EPG5: variants seen among roughly 807,000 people sequenced by gnomAD.
EPG5 encodes the protein ectopic P-granules 5 autophagy tethering factor.
In EPG5, 159 loss-of-function variants were observed where a neutral mutation model predicts 302.7. The observed-to-expected ratio is 0.53, with a 90% CI of 0.46 to 0.60. The LOEUF (loss-of-function observed/expected upper bound fraction) is 0.60. Ranked by LOEUF, EPG5 falls within the 20% of genes least tolerant of loss-of-function variation. The probability of loss-of-function intolerance (pLI) is 0.00; values close to 1 mark genes in which losing one functional copy is unlikely to be tolerated. For synonymous variants in EPG5, 1,158 were observed against 1,136.8 expected (o/e 1.02, Z -0.37); for missense variants, 2,896 against 3,092.4 (o/e 0.94, Z 1.51).
At chr18:45,837,817 C>A in the EPG5 span, 61,230 of 1,533,180 alleles carry the variant, frequency 0.04, 1,453 homozygotes, top group Middle Eastern at 0.12. Flanking sequence ...ACGACCGCCG[C>A]TACTTCTGCC....
chr18:45,858,717 T>C lies in EPG5; in HGVS notation c.7075A>G (p.Met2359Val), dbSNP rs1224893556. 6.8e-6 allele frequency: 11 copies of C among 1,614,148 alleles called. No individual in the cohort carries two copies. Among genetic ancestry groups the C allele is most frequent in the Admixed American group, 3.3e-5 (2 of 60,022 alleles). Reference protein sequence around the residue: ...LVSLQVPELTMEEFLQECLTL... With the variant: ...LVSLQVPELTVEEFLQECLTL... ...AGGCACTCCTGCAGGAACTCTTCCA[T>C]GGTGAGCTCGGGAACCTGAAGGGAT... is the stretch of plus-strand genomic sequence containing the variant. The change falls in exon 41 of 44, where the codon ATG (methionine) becomes GTG (valine). Residue 2359 changes from methionine (M) to valine (V), a missense_variant. By Grantham distance (21) the Met-to-Val change is conservative (BLOSUM62 1). Transcript: ENST00000282041.
chr18:45,813,899 A>G, the EPG5 span, among the ~76,000 whole-genome samples: 3 of 152,170 alleles, frequency 2.0e-5, no homozygotes, highest in African/African-American at 7.2e-5. Context: ...TGTACCCTAG[A>G]ACTTAAAGTA....
At chr18:45,879,375 G>A (rs1340652735) in intron 32 of EPG5, among the ~76,000 whole-genome samples, 161 bp from the exon 33 acceptor site, 1 of 152,174 alleles carries the variant, frequency 6.6e-6, no homozygotes, top group East Asian at 1.9e-4. Context: ...TTTTGTTTTT[G>A]TTTTTGTTTT....
chr18:45,891,047 T>C lies in EPG5; in HGVS notation c.4810-1107A>G, dbSNP rs114914621. 5.2e-3 allele frequency among the ~76,000 whole-genome samples: 792 copies of C among 152,296 alleles called. 6 individuals carry two copies. The highest frequency in any genetic ancestry group is 0.018 in the African/African-American group (737 of 41,550). ...TGGGTGAGCAGTAAGGTCTACATTT[T>C]TTCCTTACATGCACCTGCCCAAACC... is the stretch of plus-strand genomic sequence containing the variant. On this transcript the variant is annotated intron_variant, in intron 27 of 43. Transcript: ENST00000282041.
At chr18:45,892,027 G>C (rs2145509879) in intron 27 of EPG5, among the ~76,000 whole-genome samples, 1 of 152,258 alleles carries the variant, frequency 6.6e-6, no homozygotes. Flanking sequence ...GAGAATCTGA[G>C]ATAAGGAAGG....
intron 13 of EPG5, among the ~76,000 whole-genome samples, chr18:45,927,151 G>C (rs1246442016): frequency 6.6e-6 from 1 of 151,276 alleles, no homozygotes; most frequent in Admixed American, 6.6e-5. Flanking sequence ...TCCTGCCTCA[G>C]CCTCCTGAGT....
the EPG5 span, among the ~76,000 whole-genome samples, chr18:45,818,902 T>G: frequency 6.6e-6 from 1 of 151,962 alleles, no homozygotes; most frequent in African/African-American, 2.4e-5. Flanking sequence ...CCCAGCTAAT[T>G]TTCATATTTT....
At position 45,916,497 on chromosome 18, in the gene EPG5, G is replaced by C. The variant is rs1279711396; in HGVS notation, c.3325C>G (p.Gln1109Glu). The C allele has an allele frequency of 1.9e-6, 3 of 1,613,672 alleles. No individual in the cohort carries two copies. The African/African-American group carries it at 4.0e-5, about 22-fold the overall frequency. The change falls in exon 18 of 44, where the codon CAG becomes GAG. Residue 1109 changes from glutamine to glutamate, a missense_variant. Transcript: ENST00000282041. ...CCATGGCTGGCTCCTGTCAGGTGCT[G>C]TGCCACCTTGTGGGTGACCTGTTGT... is the stretch of plus-strand genomic sequence containing the variant. ...VTQQVTHKVAQHLTGASHGDN... is the reference protein window; with the variant it reads ...VTQQVTHKVAEHLTGASHGDN...
chr18:45,910,487 A>C, intron 23 of EPG5, 34 bp downstream of exon 23: 1 of 1,513,176 alleles, frequency 6.6e-7, no homozygotes, highest in South Asian at 1.2e-5. Context: ...TGTGCTGCAA[A>C]CAACAATGTA....
chr18:45,868,923 T>C (rs1052527427), intron 36 of EPG5, among the ~76,000 whole-genome samples: 3 of 151,126 alleles, frequency 2.0e-5, no homozygotes, highest in Non-Finnish European at 4.4e-5. Flanking sequence ...GGCATGGTGG[T>C]GGGCACCTGT....
the EPG5 span, chr18:45,839,198 GT>G: frequency 3.8e-6 from 5 of 1,317,294 alleles, no homozygotes; most frequent in South Asian, 2.1e-5. Flanking sequence ...CAGAATGTCG[GT>G]TTTTTTGCCC....
intron 3 of EPG5, 45 bp downstream of exon 3, chr18:45,952,355 T>C: frequency 6.3e-7 from 1 of 1,599,912 alleles, no homozygotes; most frequent in Non-Finnish European, 8.5e-7. Context: ...CCTCAATTTT[T>C]TTTTACTTCA....
Position 45,865,704 on chromosome 18 carries a change from G to C in EPG5, c.6677C>G (p.Thr2226Ser). The C allele has an allele frequency of 6.2e-7, 1 of 1,613,006 alleles. No individual in the cohort carries two copies. Among genetic ancestry groups the C allele is most frequent in the Non-Finnish European group, 8.5e-7 (1 of 1,179,826 alleles). Reference sequence around the variant, plus strand: ...GGTGATTTTTCCATTTTGTTCCAGGGTGCTGAGGAATTGAACCATCTGATG... The same window carrying C: ...GGTGATTTTTCCATTTTGTTCCAGGCTGCTGAGGAATTGAACCATCTGATG... ...FTHQMVQFLS[T>S]LEQNGKITLA... The change falls in exon 39 of 44, where the codon ACC becomes AGC. Residue 2226 changes from threonine to serine, a missense_variant. Coordinates refer to ENST00000282041, the MANE Select transcript of EPG5 (RefSeq NM_020964.3).
At chr18:45,829,726 G>C in the EPG5 span, among the ~76,000 whole-genome samples, 1 of 152,132 alleles carries the variant, frequency 6.6e-6, no homozygotes, top group African/African-American at 2.4e-5. Flanking sequence ...TCGTCAGCTG[G>C]TAATGTCAGC....
chr18:45,883,726 T>TG (rs2049157417), intron 30 of EPG5, among the ~76,000 whole-genome samples: 1 of 146,788 alleles, frequency 6.8e-6, no homozygotes, highest in Admixed American at 7.0e-5. Flanking sequence ...CCAAAAGTGC[T>TG]GGGATTACAC....
chr18:45,829,516 C>A, the EPG5 span, among the ~76,000 whole-genome samples: 1 of 152,322 alleles, frequency 6.6e-6, no homozygotes, highest in East Asian at 1.9e-4. Flanking sequence ...TCAGCTCCAC[C>A]CACATACCTA....
At chr18:45,960,220 T>C (rs1178307729) in intron 1 of EPG5, among the ~76,000 whole-genome samples, 1 of 152,200 alleles carries the variant, frequency 6.6e-6, no homozygotes, top group Non-Finnish European at 1.5e-5. Flanking sequence ...TGTGTATCAA[T>C]TCCATGTGTA....
chr18:45,867,732 G>A lies in EPG5; in HGVS notation c.6242C>T (p.Pro2081Leu). 1 of 1,601,048 alleles carries A rather than the reference G, an allele frequency of 6.2e-7. No individual in the cohort carries two copies. The highest frequency in any genetic ancestry group is 8.5e-7 in the Non-Finnish European group (1 of 1,174,122). ...EAFFKVERGSPKSCFLFLGSV... is the reference protein window; with the variant it reads ...EAFFKVERGSLKSCFLFLGSV... ...CCCCAAAAATAAGAAACAGCTCTTGGGGCTTCCTCGTTCCACCTAAAAGAA... is the reference window on the plus strand; with the variant it reads ...CCCCAAAAATAAGAAACAGCTCTTGAGGCTTCCTCGTTCCACCTAAAAGAA... The change falls in exon 37 of 44, where the codon CCC (proline) becomes CTC (leucine). Residue 2081 changes from proline to leucine, a missense_variant. Physicochemically the swap from Pro to Leu is moderately conservative, Grantham distance 98. Coordinates refer to ENST00000282041, the MANE Select transcript of EPG5 (RefSeq NM_020964.3).
chr18:45,814,550 T>C, the EPG5 span, among the ~76,000 whole-genome samples: 14 of 152,190 alleles, frequency 9.2e-5, no homozygotes, highest in Non-Finnish European at 1.8e-4. Context: ...TTGATAACTA[T>C]ACAGTTATTA....
Sources: gnomAD v4.1 joint callset for allele counts (sites outside exome capture counted in the v4.1 genomes callset) on GRCh38, gnomAD v4.1.1 for gene constraint, MANE v1.5 for transcripts, NCBI Gene and HGNC (gene_info 2026-07-23, HGNC 2026-07-21) for gene names.